The following SYNDIG1 variants were observed in gnomAD, a reference collection of about 807,000 sequenced individuals.
The protein encoded by SYNDIG1 is synapse differentiation inducing 1.
In SYNDIG1, 9 loss-of-function variants were observed where a neutral mutation model predicts 19.4. The ratio of observed to expected loss-of-function variants is 0.46; its 90% CI spans 0.28 to 0.81. The LOEUF (loss-of-function observed/expected upper bound fraction) is 0.81, where lower values mean the gene tolerates loss of function less well. Among genes scored for constraint, SYNDIG1 ranks in the 30% least tolerant of loss-of-function variants. SYNDIG1 has a pLI of 0.12. For missense variants in SYNDIG1, 311 were observed against 343.3 expected (o/e 0.91, Z 0.74); for synonymous variants, 141 against 145.9 (o/e 0.97, Z 0.24).
At chr20:24,538,858 A>G (rs2057412559) in intron 1 of SYNDIG1, among the ~76,000 whole-genome samples, 1 of 151,630 alleles carries the variant, frequency 6.6e-6, no homozygotes, top group Non-Finnish European at 1.5e-5. Flanking sequence ...ATTATTAGTG[A>G]TGTTGAGCAT....
At position 24,534,595 on chromosome 20, in the gene SYNDIG1, T is replaced by C. The variant is rs142261757; in HGVS notation, c.-78-8425T>C. Among the ~76,000 whole-genome samples the C allele has an allele frequency of 8.5e-3, 1,289 of 152,292 alleles. 12 individuals are homozygous for C. Among genetic ancestry groups the C allele is most frequent in the Middle Eastern group, 0.027 (8 of 294 alleles). Reference sequence around the variant, plus strand: ...GTCAGCGGGTCTTCACAGGAGATTGTGCCCTGTGTTTCTTCCTTCAAGGCA... The same window carrying C: ...GTCAGCGGGTCTTCACAGGAGATTGCGCCCTGTGTTTCTTCCTTCAAGGCA... On this transcript the variant is annotated intron_variant, in intron 1 of 3. Transcript: ENST00000376862.
intron 3 of SYNDIG1, among the ~76,000 whole-genome samples, chr20:24,652,933 T>C (rs947285484): frequency 1.3e-5 from 2 of 152,160 alleles, no homozygotes; most frequent in Non-Finnish European, 2.9e-5. Context: ...ACAGCTCCTC[T>C]GCCTCCCTAT....
At chr20:24,478,067 C>A (rs1023966160) in intron 1 of SYNDIG1, among the ~76,000 whole-genome samples, 1 of 152,210 alleles carries the variant, frequency 6.6e-6, no homozygotes, top group African/African-American at 2.4e-5. Flanking sequence ...ACAGGGCCGC[C>A]TGGCTGCCCT....
chr20:24,571,585 ATT>A (rs2058145012), intron 2 of SYNDIG1, among the ~76,000 whole-genome samples: 1 of 152,214 alleles, frequency 6.6e-6, no homozygotes, highest in Admixed American at 6.5e-5. Context: ...GAATTTGAAT[ATT>A]CTTTCTGTAG....
At chr20:24,605,249 T>G (rs1427669692) in intron 3 of SYNDIG1, among the ~76,000 whole-genome samples, 1 of 152,172 alleles carries the variant, frequency 6.6e-6, no homozygotes, top group African/African-American at 2.4e-5. Context: ...AAACGAAGGT[T>G]GCAATGAGGG....
At chr20:24,557,453 T>C (rs1260371225) in intron 2 of SYNDIG1, among the ~76,000 whole-genome samples, 1 of 152,162 alleles carries the variant, frequency 6.6e-6, no homozygotes, top group Non-Finnish European at 1.5e-5. Flanking sequence ...CTTTTGGTCT[T>C]TGATGATGGT....
At chr20:24,556,989 G>C (rs1443383063) in intron 2 of SYNDIG1, among the ~76,000 whole-genome samples, 1 of 152,168 alleles carries the variant, frequency 6.6e-6, no homozygotes, top group Non-Finnish European at 1.5e-5. Context: ...ATATTTCTTG[G>C]AGGTGTTGTT....
intron 1 of SYNDIG1, among the ~76,000 whole-genome samples, chr20:24,529,397 A>G (rs1010652070): frequency 1.3e-5 from 2 of 151,618 alleles, no homozygotes; most frequent in Non-Finnish European, 2.9e-5. Context: ...GATGGCTAGG[A>G]ATCAGTAAAA....
chr20:24,625,790 A>G (rs1226018331), intron 3 of SYNDIG1, among the ~76,000 whole-genome samples: 5 of 152,256 alleles, frequency 3.3e-5, no homozygotes, highest in African/African-American at 4.8e-5. Flanking sequence ...GCAACCATCC[A>G]ATTTCTCAAT....
intron 1 of SYNDIG1, among the ~76,000 whole-genome samples, chr20:24,513,211 C>T (rs746974632): frequency 6.6e-6 from 1 of 152,146 alleles, no homozygotes; most frequent in Non-Finnish European, 1.5e-5. Flanking sequence ...TTTTAAAAAT[C>T]GAGCACCTCT....
At chr20:24,574,607 GAA>G (rs1389443934) in intron 2 of SYNDIG1, among the ~76,000 whole-genome samples, 3 of 152,224 alleles carry the variant, frequency 2.0e-5, no homozygotes, top group African/African-American at 7.2e-5. Flanking sequence ...CCTGATGGGT[GAA>G]CTCAATGAAG....
chr20:24,526,674 A>G (rs939503493), intron 1 of SYNDIG1, among the ~76,000 whole-genome samples: 3 of 152,188 alleles, frequency 2.0e-5, no homozygotes, highest in Non-Finnish European at 2.9e-5. Flanking sequence ...CTTGTATCTC[A>G]GGTCATCACC....
intron 1 of SYNDIG1, among the ~76,000 whole-genome samples, 185 bp downstream of exon 1, chr20:24,469,938 G>C (rs2055368966): frequency 6.6e-6 from 1 of 152,106 alleles, no homozygotes; most frequent in African/African-American, 2.4e-5. Flanking sequence ...AAGTCCGGGT[G>C]GTCGCCGCGA....
chr20:24,473,924 T>C (rs2055544243), intron 1 of SYNDIG1, among the ~76,000 whole-genome samples: 1 of 152,134 alleles, frequency 6.6e-6, no homozygotes, highest in Admixed American at 6.5e-5. Flanking sequence ...TTGTCTAAGA[T>C]CATTCAACTA....
At chr20:24,539,574 T>C (rs2057427711) in intron 1 of SYNDIG1, among the ~76,000 whole-genome samples, 1 of 152,178 alleles carries the variant, frequency 6.6e-6, no homozygotes, top group Non-Finnish European at 1.5e-5. Flanking sequence ...TCCTTGAGAT[T>C]CCATATGAAT....
At chr20:24,505,526 G>C (rs1293709020) in intron 1 of SYNDIG1, among the ~76,000 whole-genome samples, 1 of 152,164 alleles carries the variant, frequency 6.6e-6, no homozygotes, top group Non-Finnish European at 1.5e-5. Context: ...TCCCTTCTGG[G>C]GTTTTTGTAA....
Position 24,665,688 on chromosome 20 carries a change from G to A in SYNDIG1, c.*184G>A. ...AATTTCATGTTCACAGCACTGTGTA[G>A]AGCACCAGACAGACGGGCACTGCTA... On this transcript the variant is annotated 3_prime_UTR_variant, in exon 4 of 4. Transcript: ENST00000376862. 1.3e-6 allele frequency: 1 copy of A among 751,064 alleles called. No individual in the cohort carries two copies. The highest frequency in any genetic ancestry group is 2.0e-6 in the Non-Finnish European group (1 of 499,372). 46.5% of individuals were successfully genotyped at this position (751,064 alleles called of 1,614,324 possible). A position where few individuals can be genotyped will look rare whatever the true frequency, so the allele number is the denominator to read the frequency against.
chr20:24,504,092 T>C lies in SYNDIG1; in HGVS notation c.-79+34339T>C, dbSNP rs186333318. 1.9e-3 allele frequency among the ~76,000 whole-genome samples: 291 copies of C among 152,044 alleles called. 1 individual carries two copies. Among genetic ancestry groups the C allele is most frequent in the African/African-American group, 6.8e-3 (280 of 41,454 alleles). ...CTCCTGTCTCAGCCTCCTGAGTAGC[T>C]GGGACTACAGGCACCTGCCACCACG... is the stretch of plus-strand genomic sequence containing the variant. On this transcript the variant is annotated intron_variant, in intron 1 of 3. Transcript: ENST00000376862.
intron 3 of SYNDIG1, 63 bp downstream of exon 3, chr20:24,585,056 G>GGGGGGGCCCC: frequency 1.8e-6 from 1 of 545,664 alleles, no homozygotes; most frequent in Non-Finnish European, 3.4e-6. Context: ...GGTGGGGGCG[G>GGGGGGGCCCC]CAATCCCAGC....
Sources: allele counts gnomAD v4.1 joint callset (sites outside exome capture counted in the v4.1 genomes callset), GRCh38; gene constraint gnomAD v4.1.1; transcripts MANE v1.5; gene names NCBI Gene and HGNC (gene_info 2026-07-23, HGNC 2026-07-21).